SGCD: variants seen among roughly 807,000 people sequenced by gnomAD.
The protein encoded by SGCD is sarcoglycan delta, also known as delta-sarcoglycan.
In SGCD, 18 loss-of-function variants were observed where a neutral mutation model predicts 36.6. The observed-to-expected ratio is 0.49, with a 90% confidence interval of 0.34 to 0.73. SGCD has a LOEUF of 0.73. Among genes scored for constraint, SGCD ranks in the 30% least tolerant of loss-of-function variants. The pLI, the probability that SGCD is intolerant of heterozygous loss-of-function variation, is 0.01. For synonymous variants in SGCD, 133 were observed against 130.6 expected, an observed-to-expected ratio of 1.02 and a Z score of -0.12; for missense variants, 387 against 346.7, an observed-to-expected ratio of 1.12 and a Z score of -0.92.
chr5:155,741,021 T>A, the SGCD span, among the ~76,000 whole-genome samples: 1 of 152,292 alleles, frequency 6.6e-6, no homozygotes, highest in Non-Finnish European at 1.5e-5. Context: ...GGCAGAGGCA[T>A]AAATCAATAC....
intron 3 of SGCD, among the ~76,000 whole-genome samples, chr5:156,275,955 GTCAA>G (rs1263052197): frequency 2.0e-5 from 3 of 152,096 alleles, no homozygotes; most frequent in Admixed American, 1.3e-4. Context: ...CATTGAGACA[GTCAA>G]TCCTTAAAAT....
intron 3 of SGCD, among the ~76,000 whole-genome samples, chr5:156,229,295 T>TAC (rs1264426450): frequency 7.9e-6 from 1 of 125,870 alleles, no homozygotes; most frequent in Non-Finnish European, 1.6e-5. Flanking sequence ...TATATATATA[T>TAC]ATATAAAATT....
chr5:156,627,772 A>T (rs1405696406), intron 6 of SGCD, among the ~76,000 whole-genome samples: 4 of 152,188 alleles, frequency 2.6e-5, no homozygotes, highest in Non-Finnish European at 4.4e-5. Flanking sequence ...TGTGTAATTT[A>T]AAAAAATAAA....
the SGCD span, among the ~76,000 whole-genome samples, chr5:155,827,877 A>G: frequency 7.2e-6 from 1 of 139,284 alleles, no homozygotes; most frequent in South Asian, 2.3e-4. Context: ...TTTTAGTAGA[A>G]ACGGGGTTTC....
chr5:155,756,810 G>A, the SGCD span, among the ~76,000 whole-genome samples: 6,684 of 152,250 alleles, frequency 0.044, 192 homozygotes, highest in Middle Eastern at 0.13. Flanking sequence ...CACAAATAGT[G>A]AGTCTGAAAG....
At chr5:156,133,294 T>G (rs1354794198) in intron 3 of SGCD, among the ~76,000 whole-genome samples, 2 of 152,236 alleles carry the variant, frequency 1.3e-5, no homozygotes, top group Non-Finnish European at 2.9e-5. Context: ...ATAAATTCTA[T>G]AAAATACTTT....
At chr5:156,167,494 T>G (rs1763240630) in intron 3 of SGCD, among the ~76,000 whole-genome samples, 2 of 152,090 alleles carry the variant, frequency 1.3e-5, no homozygotes, top group Non-Finnish European at 2.9e-5. Context: ...CCTCCAAATC[T>G]CATGTTGAAA....
intron 3 of SGCD, among the ~76,000 whole-genome samples, chr5:156,403,592 A>G (rs1315983091): frequency 6.6e-6 from 1 of 152,160 alleles, no homozygotes; most frequent in African/African-American, 2.4e-5. Flanking sequence ...AGGCTGCAAA[A>G]GACTTGGACT....
chr5:156,504,392 G>GTGTGTGTATATATATATATA (rs1413599402), intron 3 of SGCD, among the ~76,000 whole-genome samples: 1 of 75,072 alleles, frequency 1.3e-5, no homozygotes, highest in African/African-American at 3.9e-5. Context: ...GTGTGTGTGT[G>GTGTGTGTATATATATATATA]TATATATATA....
intron 1 of SGCD, among the ~76,000 whole-genome samples, chr5:156,011,717 C>T (rs1163775064): frequency 2.0e-5 from 3 of 152,138 alleles, no homozygotes; most frequent in South Asian, 2.1e-4. Flanking sequence ...GGATTACAGG[C>T]GTGCGCCTCG....
chr5:156,508,500 A>AT (rs200410428), intron 3 of SGCD, 101 bp from the exon 4 acceptor site: 2 of 683,494 alleles, frequency 2.9e-6, no homozygotes, highest in African/African-American at 1.9e-5. Context: ...ACCTTCAAAA[A>AT]TTAAAAAAAA....
chr5:155,865,596 C>T (rs1580959362), upstream of SGCD, among the ~76,000 whole-genome samples: 2 of 152,092 alleles, frequency 1.3e-5, no homozygotes, highest in East Asian at 1.9e-4. Context: ...ACTTGAAATC[C>T]ATTGATTGTC....
At chr5:156,715,349 A>G (rs996881784) in intron 7 of SGCD, among the ~76,000 whole-genome samples, 2 of 152,220 alleles carry the variant, frequency 1.3e-5, no homozygotes, top group Non-Finnish European at 2.9e-5. Flanking sequence ...TGCTGAAGTC[A>G]GACTTCAAAC....
chr5:156,712,179 A>G (rs1045804320), intron 7 of SGCD, among the ~76,000 whole-genome samples: 4 of 152,166 alleles, frequency 2.6e-5, no homozygotes, highest in African/African-American at 9.6e-5. Context: ...GTGACTTAGA[A>G]TGCCTTACCC....
chr5:156,423,158 A>ATATTTTATTATAATATAATAT (rs1773403363), intron 3 of SGCD, among the ~76,000 whole-genome samples: 1 of 23,090 alleles, frequency 4.3e-5, no homozygotes, highest in African/African-American at 1.5e-4. Context: ...TTAATTATTT[A>ATATTTTATTATAATATAATAT]AATATTATAT....
chr5:156,494,781 G>A (rs1191856128), intron 3 of SGCD, among the ~76,000 whole-genome samples: 2 of 151,808 alleles, frequency 1.3e-5, no homozygotes, highest in East Asian at 1.9e-4. Context: ...GTGTAGAGGG[G>A]GTGTGATTCA....
upstream of SGCD, among the ~76,000 whole-genome samples, chr5:156,323,282 A>G (rs376627054): frequency 1.3e-5 from 2 of 152,176 alleles, no homozygotes; most frequent in East Asian, 1.9e-4. Flanking sequence ...GTGTACCTGC[A>G]AAGTTTGTTC....
At position 155,896,429 on chromosome 5, in the gene SGCD, A is replaced by G. The variant is rs1169585235; in HGVS notation, c.-282+26005A>G. 2.7e-5 allele frequency among the ~76,000 whole-genome samples: 4 copies of G among 148,668 alleles called. No homozygotes were observed. The East Asian group carries it at 8.0e-4, about 30-fold the overall frequency. On this transcript the variant is annotated intron_variant, in intron 1 of 9. Coordinates refer to the SGCD transcript ENST00000517913. ...TGAGAATTGAACCCTTGAGCTCAGG[A>G]GTTTGAGACCAGCCTGGGCAACATG...
At chr5:156,229,273 CATACAT>C (rs1339119288) in intron 3 of SGCD, among the ~76,000 whole-genome samples, 5 of 8,586 alleles carry the variant, frequency 5.8e-4, no homozygotes, top group East Asian at 4.0e-3. Flanking sequence ...TATATATATA[CATACAT>C]ATATATATAT....
Sources: gnomAD v4.1 joint callset for allele counts (sites outside exome capture counted in the v4.1 genomes callset) on GRCh38, gnomAD v4.1.1 for gene constraint, MANE v1.5 for transcripts, NCBI Gene and HGNC (gene_info 2026-07-23, HGNC 2026-07-21) for gene names.